Variants in SDK1 observed in about 807,000 individuals in gnomAD.
SDK1 encodes sidekick cell adhesion molecule 1, also known as protein sidekick-1.
In SDK1, 157 loss-of-function variants were observed where a neutral mutation model predicts 245.5. The observed-to-expected ratio is 0.64, with a 90% CI of 0.56 to 0.73. The LOEUF (loss-of-function observed/expected upper bound fraction) is 0.73. SDK1 is among the 30% of genes least tolerant of loss of function. SDK1 has a pLI of 0.00. For missense variants in SDK1, 3,583 were observed against 3,002.3 expected, an observed-to-expected ratio of 1.19 and a Z score of -4.52; for synonymous variants, 1,647 against 1,278.5, an observed-to-expected ratio of 1.29 and a Z score of -6.15.
intron 19 of SDK1, among the ~76,000 whole-genome samples, chr7:4,053,916 T>G (rs75607996): frequency 0.1 from 15,414 of 152,028 alleles, 1,696 homozygotes; most frequent in African/African-American, 0.27. Context: ...TTTGTTGTTG[T>G]TGGTGGTGGT....
chr7:3,330,789 T>G (rs1000062181), intron 1 of SDK1, among the ~76,000 whole-genome samples: 1 of 94,332 alleles, frequency 1.1e-5, no homozygotes, highest in African/African-American at 4.2e-5. Flanking sequence ...GTGGGCAACA[T>G]AACAAAACCA....
At position 3,405,814 on chromosome 7, in the gene SDK1, C is replaced by CTT. The variant is rs534692477; in HGVS notation, c.298+103947_298+103948dup. 4.5e-3 allele frequency among the ~76,000 whole-genome samples: 560 copies of CTT among 125,346 alleles called. 7 individuals are homozygous for CTT. Among genetic ancestry groups the CTT allele is most frequent in the African/African-American group, 6.0e-3 (198 of 32,782 alleles). The allele number at this position is 125,346 out of a possible 152,430, so 82.2% of individuals were successfully genotyped here. Reference sequence around the variant, plus strand: ...TAATTTTCTTTTCTTTTCTTTCTTTCTTTTTTTTTTTTTTTTTTGAGAGAG... The same window carrying CTT: ...TAATTTTCTTTTCTTTTCTTTCTTTCTTTTTTTTTTTTTTTTTTTTGAGAGAG... On this transcript the variant is annotated intron_variant, in intron 1 of 44. Transcript: ENST00000404826.
intron 1 of SDK1, among the ~76,000 whole-genome samples, chr7:3,401,725 G>A (rs1481031513): frequency 1.3e-5 from 2 of 151,678 alleles, no homozygotes; most frequent in Admixed American, 6.6e-5. Context: ...TGCTACTGAT[G>A]TGTAATAATT....
rs182638639 is a variant in SDK1 at position 3,566,141 on chromosome 7, A to G, written c.299-52939A>G. 1.9e-4 allele frequency among the ~76,000 whole-genome samples: 29 copies of G among 152,300 alleles called. No individual in the cohort carries two copies. The East Asian group carries it at 3.9e-3, about 20-fold the overall frequency. On this transcript the variant is annotated intron_variant, in intron 1 of 44. Coordinates refer to ENST00000404826, the MANE Select transcript of SDK1 (RefSeq NM_152744.4). ...TTTATTCTCTTGGAGGTAGTCGTAA[A>G]AAGGTGTCAGTTCTTCACAAAATAT...
At chr7:3,926,190 G>T (rs1038512527) in intron 5 of SDK1, among the ~76,000 whole-genome samples, 2 of 152,156 alleles carry the variant, frequency 1.3e-5, no homozygotes, top group Admixed American at 1.3e-4. Flanking sequence ...CATGGCTTTG[G>T]TGCTGAGCCT....
intron 1 of SDK1, among the ~76,000 whole-genome samples, chr7:3,615,462 A>G (rs1200721579): frequency 6.6e-6 from 1 of 151,560 alleles, no homozygotes; most frequent in Non-Finnish European, 1.5e-5. Context: ...AGGCTCGACA[A>G]CTCCTGACTT....
At chr7:3,701,917 G>A (rs963282837) in intron 4 of SDK1, among the ~76,000 whole-genome samples, 1 of 111,970 alleles carries the variant, frequency 8.9e-6, no homozygotes, top group Admixed American at 1.1e-4. Flanking sequence ...GGTTGGACGT[G>A]CATAAGCAAA....
intron 1 of SDK1, among the ~76,000 whole-genome samples, chr7:3,394,985 T>A (rs1163513825): frequency 6.6e-6 from 1 of 152,016 alleles, no homozygotes; most frequent in Admixed American, 6.6e-5. Context: ...ACAAACCGAA[T>A]GTCTTTTATT....
chr7:3,804,942 C>G lies in SDK1; in HGVS notation c.714-16508C>G, dbSNP rs372302081. ...AAATTTTAGTTAGAAGGAATAAGTT[C>G]AGGAGATCTATTAAACGGCATGGTG... On this transcript the variant is annotated intron_variant, in intron 4 of 44. Transcript: ENST00000404826. Among the ~76,000 whole-genome samples, 3 of 152,056 alleles carry G rather than the reference C, an allele frequency of 2.0e-5. No individual in the cohort carries two copies. The South Asian group carries it at 6.2e-4, about 32-fold the overall frequency.
chr7:4,130,041 G>A lies in SDK1; in HGVS notation c.4073G>A (p.Arg1358His), dbSNP rs1405867017. 1.2e-5 allele frequency: 20 copies of A among 1,613,046 alleles called. No homozygotes were observed. The highest frequency in any genetic ancestry group is 1.7e-5 in the Non-Finnish European group (20 of 1,179,588). ...GAGCTCCAGGTGCTGGCGTTCACCCGCATCGGGAACGGGGTCCCCAGCACG... is the reference window on the plus strand; with the variant it reads ...GAGCTCCAGGTGCTGGCGTTCACCCACATCGGGAACGGGGTCCCCAGCACG... Reference protein sequence around the residue: ...LYELQVLAFTRIGNGVPSTPL... With the variant: ...LYELQVLAFTHIGNGVPSTPL... Residue 1358 changes from arginine to histidine, a missense_variant, in exon 27 of 45, where the codon CGC becomes CAC. Arg to His is a conservative substitution (Grantham distance 29, BLOSUM62 0). Coordinates refer to ENST00000404826, the MANE Select transcript of SDK1 (RefSeq NM_152744.4).
At chr7:3,419,589 A>C (rs1779481363) in intron 1 of SDK1, among the ~76,000 whole-genome samples, 1 of 152,160 alleles carries the variant, frequency 6.6e-6, no homozygotes. Flanking sequence ...GAGCTTTGTC[A>C]TGGACTCAGT....
At chr7:4,177,101 G>A (rs1782262122) in intron 34 of SDK1, among the ~76,000 whole-genome samples, 1 of 152,238 alleles carries the variant, frequency 6.6e-6, no homozygotes, top group South Asian at 2.1e-4. Flanking sequence ...GTGATTTGCA[G>A]GGCAGCACAG....
At chr7:3,457,898 A>G (rs1240061537) in intron 1 of SDK1, among the ~76,000 whole-genome samples, 1 of 152,200 alleles carries the variant, frequency 6.6e-6, no homozygotes, top group Non-Finnish European at 1.5e-5. Flanking sequence ...TGCATGTGTA[A>G]GAAGTAAATG....
At chr7:3,450,818 G>A (rs1470229568) in intron 1 of SDK1, among the ~76,000 whole-genome samples, 1 of 152,078 alleles carries the variant, frequency 6.6e-6, no homozygotes, top group African/African-American at 2.4e-5. Flanking sequence ...AGAGAGAAGA[G>A]GGATGAAGAT....
chr7:3,842,321 G>A (rs972388830), intron 5 of SDK1, among the ~76,000 whole-genome samples: 1 of 152,196 alleles, frequency 6.6e-6, no homozygotes, highest in Non-Finnish European at 1.5e-5. Flanking sequence ...CTCCACTGGA[G>A]AATACCCAAG....
At chr7:3,998,614 A>T (rs1272271957) in intron 14 of SDK1, among the ~76,000 whole-genome samples, 2 of 152,148 alleles carry the variant, frequency 1.3e-5, no homozygotes, top group East Asian at 3.9e-4. Context: ...GCTCTGAGGG[A>T]CGTGGTCTTC....
At chr7:3,806,704 C>A (rs1239690793) in intron 4 of SDK1, among the ~76,000 whole-genome samples, 1 of 152,222 alleles carries the variant, frequency 6.6e-6, no homozygotes, top group Admixed American at 6.5e-5. Context: ...CGTTGCAGTT[C>A]TCTGAGGAGA....
At chr7:3,844,382 C>G (rs919248069) in intron 5 of SDK1, among the ~76,000 whole-genome samples, 1 of 152,208 alleles carries the variant, frequency 6.6e-6, no homozygotes, top group Non-Finnish European at 1.5e-5. Flanking sequence ...ATTGCTTACA[C>G]AGACAGGTGA....
intron 21 of SDK1, among the ~76,000 whole-genome samples, chr7:4,078,535 A>G (rs752159630): frequency 1.3e-5 from 2 of 152,190 alleles, no homozygotes; most frequent in African/African-American, 4.8e-5. Context: ...CCTGGTTTCA[A>G]ACACCCCAAG....
Sources: allele counts gnomAD v4.1 joint callset (sites outside exome capture counted in the v4.1 genomes callset), GRCh38; gene constraint gnomAD v4.1.1; transcripts MANE v1.5; gene names NCBI Gene and HGNC (gene_info 2026-07-23, HGNC 2026-07-21).